The following PELI1 variants were observed in gnomAD, a reference collection of about 807,000 sequenced individuals.
PELI1 encodes the protein E3 ubiquitin-protein ligase pellino homolog 1.
PELI1 carries 15 observed loss-of-function variants against 41.3 expected under a neutral mutation model. That is an observed-to-expected ratio of 0.36 (90% confidence interval 0.24 to 0.56). PELI1 has a LOEUF of 0.56. Ranked by LOEUF, PELI1 falls within the 20% of genes least tolerant of loss-of-function variation. The pLI is 0.82. For missense variants in PELI1, 403 were observed against 525.5 expected (o/e 0.77, Z 2.28); for synonymous variants, 178 against 180.1 (o/e 0.99, Z 0.09).
intron 4 of PELI1, among the ~76,000 whole-genome samples, chr2:64,097,256 C>T (rs1292263583): frequency 2.0e-5 from 3 of 152,220 alleles, no homozygotes; most frequent in Non-Finnish European, 4.4e-5. Context: ...ACAAGCCCCT[C>T]TTTTAACTGG....
chr2:64,124,108 AAGT>A (rs1308297328), intron 1 of PELI1, among the ~76,000 whole-genome samples: 2 of 152,210 alleles, frequency 1.3e-5, no homozygotes, highest in African/African-American at 2.4e-5. Context: ...GACAGAAAGA[AAGT>A]AGATTAGTGG....
intron 1 of PELI1, 35 bp downstream of exon 1, chr2:64,144,046 C>T (rs1225979423): frequency 2.6e-5 from 4 of 151,808 alleles, no homozygotes; most frequent in Non-Finnish European, 1.5e-5. Context: ...GGCCCCGCCG[C>T]CATCCATCCC....
chr2:64,131,439 G>GTATT (rs1404579927), intron 1 of PELI1, among the ~76,000 whole-genome samples: 22 of 151,808 alleles, frequency 1.4e-4, no homozygotes, highest in Admixed American at 4.6e-4. Context: ...CTTTTTAGTT[G>GTATT]TATTTATTGT....
intron 1 of PELI1, among the ~76,000 whole-genome samples, chr2:64,126,859 C>T (rs1681406380): frequency 6.6e-6 from 1 of 150,816 alleles, no homozygotes; most frequent in African/African-American, 2.4e-5. Context: ...ATAAAAAAGA[C>T]AAGGGGTAAA....
At chr2:64,108,439 G>A (rs908413532) in intron 1 of PELI1, 60 bp from the exon 2 acceptor site, 1 of 663,746 alleles carries the variant, frequency 1.5e-6, no homozygotes. Context: ...AAATAAAGAT[G>A]TTATTTTTCA....
chr2:64,101,916 C>T (rs1223465540), intron 3 of PELI1, among the ~76,000 whole-genome samples: 2 of 151,284 alleles, frequency 1.3e-5, no homozygotes, highest in African/African-American at 2.4e-5. Context: ...TAACCTCCGC[C>T]TCCCAGGTTC....
intron 1 of PELI1, among the ~76,000 whole-genome samples, chr2:64,111,201 A>G (rs866425000): frequency 1.2e-4 from 18 of 152,288 alleles, no homozygotes; most frequent in African/African-American, 4.3e-4. Context: ...CTCATGAATG[A>G]AAAAGGTCTA....
intron 1 of PELI1, among the ~76,000 whole-genome samples, chr2:64,125,432 A>G (rs1681354146): frequency 6.6e-6 from 1 of 152,190 alleles, no homozygotes; most frequent in African/African-American, 2.4e-5. Flanking sequence ...GAAAGACCAA[A>G]TAGATTTTTG....
At position 64,110,247 on chromosome 2, in the gene PELI1, GAAAAAAA is replaced by G. The variant is rs796716135; in HGVS notation, c.-69-1875_-69-1869del. 9.9e-5 allele frequency among the ~76,000 whole-genome samples: 10 copies of G among 100,812 alleles called. 1 individual carries two copies. Among genetic ancestry groups the G allele is most frequent in the East Asian group, 2.9e-4 (1 of 3,422 alleles). The allele number at this position is 100,812 out of a possible 152,430, so 66.1% of individuals were successfully genotyped here. On this transcript the variant is annotated intron_variant, in intron 1 of 6. Coordinates refer to ENST00000358912, the MANE Select transcript of PELI1 (RefSeq NM_020651.4). Reference sequence around the variant, plus strand: ...GCGACAGAGTGAGACTCCGTCTCAAGAAAAAAAAAAAAAAAAAAAAAGAAAAAATATC... The same window carrying G: ...GCGACAGAGTGAGACTCCGTCTCAAGAAAAAAAAAAAAAAGAAAAAATATC...
intron 1 of PELI1, among the ~76,000 whole-genome samples, chr2:64,142,358 T>C (rs76647608): frequency 1.3e-3 from 203 of 152,298 alleles, no homozygotes; most frequent in African/African-American, 4.6e-3. Context: ...AAATCTAAAA[T>C]GTAAGGACAA....
chr2:64,135,806 A>C (rs1681698632), intron 1 of PELI1, among the ~76,000 whole-genome samples: 1 of 152,226 alleles, frequency 6.6e-6, no homozygotes, highest in South Asian at 2.1e-4. Flanking sequence ...AGTCAACATG[A>C]AATGTAAGAT....
intron 1 of PELI1, among the ~76,000 whole-genome samples, chr2:64,109,095 C>G (rs1182471581): frequency 6.6e-6 from 1 of 152,130 alleles, no homozygotes; most frequent in African/African-American, 2.4e-5. Context: ...CCCTGATGGC[C>G]GGGCATGCCC....
At chr2:64,120,540 G>A (rs1030037708) in intron 1 of PELI1, among the ~76,000 whole-genome samples, 3 of 152,118 alleles carry the variant, frequency 2.0e-5, no homozygotes, top group African/African-American at 4.8e-5. Context: ...TTCTTTAGTA[G>A]CCCTAAAGTG....
intron 6 of PELI1, among the ~76,000 whole-genome samples, chr2:64,095,863 G>C (rs998775842): frequency 2.6e-5 from 4 of 152,048 alleles, no homozygotes; most frequent in Admixed American, 2.6e-4. Flanking sequence ...GGCTGGTCTC[G>C]AACTCCTGAT....
chr2:64,137,864 G>A (rs574888484), intron 1 of PELI1, among the ~76,000 whole-genome samples: 13 of 151,902 alleles, frequency 8.6e-5, no homozygotes, highest in Admixed American at 2.0e-4. Context: ...TGGCTTAGAC[G>A]ACAAAAAAAA....
intron 1 of PELI1, among the ~76,000 whole-genome samples, chr2:64,117,306 T>C (rs982946150): frequency 2.6e-5 from 4 of 152,172 alleles, no homozygotes; most frequent in African/African-American, 9.7e-5. Context: ...TTATAATCTG[T>C]TCTTTGTAGA....
chr2:64,116,794 T>A (rs2103708213), intron 1 of PELI1, among the ~76,000 whole-genome samples: 2 of 152,346 alleles, frequency 1.3e-5, no homozygotes, highest in East Asian at 1.9e-4. Flanking sequence ...TTTTACAAAT[T>A]CAAAGTTTGT....
intron 1 of PELI1, among the ~76,000 whole-genome samples, chr2:64,137,376 ACT>A (rs981619584): frequency 6.6e-6 from 1 of 152,128 alleles, no homozygotes; most frequent in Non-Finnish European, 1.5e-5. Context: ...AAACAATTTC[ACT>A]GTGTTTTAAA....
chr2:64,141,588 C>A (rs1576109206), intron 1 of PELI1, among the ~76,000 whole-genome samples: 1 of 152,244 alleles, frequency 6.6e-6, no homozygotes, highest in African/African-American at 2.4e-5. Flanking sequence ...TATCTACAGT[C>A]CTTACCACCT....
Sources: allele counts gnomAD v4.1 joint callset (sites outside exome capture counted in the v4.1 genomes callset), GRCh38; gene constraint gnomAD v4.1.1; transcripts MANE v1.5; gene names NCBI Gene and HGNC (gene_info 2026-07-23, HGNC 2026-07-21).